ARHGAP39: variants seen among roughly 807,000 people sequenced by gnomAD.
ARHGAP39 encodes the protein Rho GTPase activating protein 39.
A neutral mutation model predicts 106.9 loss-of-function variants in ARHGAP39; 44 were observed. That is an observed-to-expected ratio of 0.41 (90% CI 0.32 to 0.53). The LOEUF is 0.53. Ranked by LOEUF, ARHGAP39 falls within the 20% of genes least tolerant of loss-of-function variation. The pLI is 0.21. For missense variants in ARHGAP39, 1,496 were observed against 1,577.3 expected (o/e 0.95, Z 0.87); for synonymous variants, 768 against 693.2 (o/e 1.11, Z -1.69).
At chr8:144,653,360 C>T (rs1398726145) in intron 1 of ARHGAP39, among the ~76,000 whole-genome samples, 2 of 152,084 alleles carry the variant, frequency 1.3e-5, no homozygotes, top group East Asian at 1.9e-4. Flanking sequence ...GCAAAACACA[C>T]TAATAGGAAA....
chr8:144,612,955 T>G (rs959696260), intron 1 of ARHGAP39, among the ~76,000 whole-genome samples: 16 of 152,282 alleles, frequency 1.1e-4, no homozygotes, highest in African/African-American at 3.9e-4. Context: ...TCTCTTTTCC[T>G]CTTTTCTGCC....
At chr8:144,610,993 A>G (rs1820473055) in intron 1 of ARHGAP39, among the ~76,000 whole-genome samples, 1 of 151,858 alleles carries the variant, frequency 6.6e-6, no homozygotes, top group Admixed American at 6.6e-5. Flanking sequence ...ATTTTTTTGT[A>G]TTTTTAGTAG....
chr8:144,597,316 C>T (rs940397549), intron 2 of ARHGAP39, among the ~76,000 whole-genome samples: 5 of 152,248 alleles, frequency 3.3e-5, no homozygotes, highest in Non-Finnish European at 5.9e-5. Context: ...CACCGCCCTA[C>T]GCCTCCAGTC....
chr8:144,558,492 C>A (rs1478717140), intron 3 of ARHGAP39, among the ~76,000 whole-genome samples: 1 of 152,106 alleles, frequency 6.6e-6, no homozygotes, highest in African/African-American at 2.4e-5. Context: ...GGGGTTTTGC[C>A]ATGTTGGTCA....
intron 3 of ARHGAP39, among the ~76,000 whole-genome samples, chr8:144,566,292 T>C (rs1397875261): frequency 1.3e-5 from 2 of 151,740 alleles, no homozygotes; most frequent in South Asian, 2.1e-4. Context: ...GAGCCAGGTG[T>C]GGTGGCTCAC....
intron 1 of ARHGAP39, among the ~76,000 whole-genome samples, chr8:144,642,973 A>G (rs144860903): frequency 1.1e-3 from 165 of 151,986 alleles, no homozygotes; most frequent in African/African-American, 3.8e-3. Flanking sequence ...ACATCACACC[A>G]CTCCACTCCA....
At chr8:144,673,852 A>G (rs1211376738) in intron 1 of ARHGAP39, among the ~76,000 whole-genome samples, 1 of 152,262 alleles carries the variant, frequency 6.6e-6, no homozygotes, top group Non-Finnish European at 1.5e-5. Context: ...GCCACCGTGC[A>G]TAGCCAGGCA....
chr8:144,666,201 T>C (rs1397266061), intron 1 of ARHGAP39, among the ~76,000 whole-genome samples: 1 of 152,204 alleles, frequency 6.6e-6, no homozygotes, highest in Non-Finnish European at 1.5e-5. Context: ...AACTGCTGTA[T>C]TTACCTAAAA....
At chr8:144,651,969 CT>C (rs1320771803) in intron 1 of ARHGAP39, among the ~76,000 whole-genome samples, 1 of 152,054 alleles carries the variant, frequency 6.6e-6, no homozygotes, top group Admixed American at 6.5e-5. Context: ...TATAAAAACC[CT>C]GGAAGACAAC....
At chr8:144,685,525 C>A (rs1342150025) in intron 1 of ARHGAP39, among the ~76,000 whole-genome samples, 161 bp downstream of exon 1, 2 of 148,754 alleles carry the variant, frequency 1.3e-5, no homozygotes, top group Non-Finnish European at 3.0e-5. Flanking sequence ...GGCCCAGTCA[C>A]AGCCCCTCCC....
At chr8:144,691,687 A>G in the ARHGAP39 span, among the ~76,000 whole-genome samples, 1 of 152,100 alleles carries the variant, frequency 6.6e-6, no homozygotes, top group Admixed American at 6.6e-5. Context: ...ATTTTGTTGC[A>G]GCCCACAATG....
intron 3 of ARHGAP39, among the ~76,000 whole-genome samples, chr8:144,570,318 G>A (rs555662985): frequency 1.4e-4 from 21 of 152,266 alleles, no homozygotes; most frequent in African/African-American, 4.6e-4. Flanking sequence ...CAGCAATCTC[G>A]TCAATGACTG....
chr8:144,538,910 T>C (rs1195637414), intron 6 of ARHGAP39, among the ~76,000 whole-genome samples: 2 of 152,264 alleles, frequency 1.3e-5, no homozygotes, highest in East Asian at 3.9e-4. Flanking sequence ...TATAATCCAA[T>C]GGGTCTTTAT....
intron 1 of ARHGAP39, among the ~76,000 whole-genome samples, chr8:144,620,152 C>CGT: frequency 8.4e-6 from 1 of 119,600 alleles, no homozygotes; most frequent in African/African-American, 3.2e-5. Context: ...TCCCTGAGAG[C>CGT]GTGTGCCCAT....
intron 1 of ARHGAP39, among the ~76,000 whole-genome samples, chr8:144,638,835 T>C (rs74735293): frequency 0.018 from 2,735 of 152,326 alleles, 32 homozygotes; most frequent in South Asian, 0.039. Flanking sequence ...GCTCAGTAAA[T>C]GATCACTCAC....
chr8:144,659,400 T>C (rs1421825942), intron 1 of ARHGAP39, among the ~76,000 whole-genome samples: 3 of 152,200 alleles, frequency 2.0e-5, no homozygotes, highest in East Asian at 1.9e-4. Context: ...GTTGCCTTTT[T>C]CAATCGTTTT....
rs1225302598 is a variant in ARHGAP39, at chr8:144,670,748, T to C, written c.-82+14938A>G. ...CCTCATCTAAATGAAGCATGCTAGA[T>C]TTGCTGTCACAGCCTCATCCCCGTC... On this transcript the variant is annotated intron_variant, in intron 1 of 11. Transcript: ENST00000377307. This position sits in a 1 kb window ranked among gnomAD's most constrained non-coding sequence, Gnocchi z 4.4. Among the ~76,000 whole-genome samples the C allele has an allele frequency of 1.3e-5, 2 of 152,146 alleles. No homozygotes were observed. The highest frequency in any genetic ancestry group is 2.4e-5 in the African/African-American group (1 of 41,418).
chr8:144,620,818 A>G (rs915388245), intron 1 of ARHGAP39, among the ~76,000 whole-genome samples: 1 of 152,216 alleles, frequency 6.6e-6, no homozygotes, highest in African/African-American at 2.4e-5. Flanking sequence ...ACAGGCAGGG[A>G]CTGTGAGTAC....
At chr8:144,655,024 T>A (rs554369729) in intron 1 of ARHGAP39, among the ~76,000 whole-genome samples, 1 of 152,164 alleles carries the variant, frequency 6.6e-6, no homozygotes, top group Non-Finnish European at 1.5e-5. Flanking sequence ...AAGTGCTCAG[T>A]CCCACTGCCT....
Sources: allele counts gnomAD v4.1 joint callset (sites outside exome capture counted in the v4.1 genomes callset), GRCh38; gene constraint gnomAD v4.1.1; non-coding constraint Gnocchi (gnomAD v3.1); transcripts MANE v1.5; gene names NCBI Gene and HGNC (gene_info 2026-07-23, HGNC 2026-07-21).